MAGI2: variants seen among roughly 807,000 people sequenced by gnomAD.
MAGI2 encodes membrane-associated guanylate kinase, WW and PDZ domain-containing protein 2.
MAGI2 carries 35 observed loss-of-function variants against 133.3 expected under a neutral mutation model. That is an observed-to-expected ratio of 0.26 (90% confidence interval 0.20 to 0.35). The LOEUF is 0.35. Among genes scored for constraint, MAGI2 ranks in the 10% least tolerant of loss-of-function variants. The pLI is 1.00. For synonymous variants in MAGI2, 729 were observed against 710.6 expected (o/e 1.03, Z -0.41); for missense variants, 1,636 against 1,863.4 (o/e 0.88, Z 2.25).
chr7:78,746,068 C>T (rs908564351), intron 2 of MAGI2, among the ~76,000 whole-genome samples: 2 of 152,184 alleles, frequency 1.3e-5, no homozygotes, highest in Non-Finnish European at 2.9e-5. Context: ...AAACTTGTCA[C>T]ATAACAATCA....
chr7:78,368,383 G>C (rs1162474295), intron 7 of MAGI2, among the ~76,000 whole-genome samples: 1 of 152,112 alleles, frequency 6.6e-6, no homozygotes, highest in East Asian at 1.9e-4. Flanking sequence ...TCAACCTCTG[G>C]ATTTCTTGGG....
chr7:78,292,936 A>C (rs1159590433), intron 9 of MAGI2, among the ~76,000 whole-genome samples: 1 of 152,246 alleles, frequency 6.6e-6, no homozygotes, highest in African/African-American at 2.4e-5. Flanking sequence ...AATTAATTCA[A>C]GATGGATTGA....
chr7:79,203,324 CA>C (rs1828770809), intron 1 of MAGI2, among the ~76,000 whole-genome samples: 1 of 151,946 alleles, frequency 6.6e-6, no homozygotes, highest in Non-Finnish European at 1.5e-5. Flanking sequence ...CTCTTTAACT[CA>C]AAGTCACCAA....
intron 1 of MAGI2, among the ~76,000 whole-genome samples, chr7:79,256,541 G>T (rs965436085): frequency 7.5e-6 from 1 of 133,808 alleles, no homozygotes; most frequent in African/African-American, 2.8e-5. Context: ...CCAGGCTGGA[G>T]TGCAGTGGCA....
rs749213872 is a variant in MAGI2, at chr7:79,450,631, AC to A, written c.301+2388del. Among the ~76,000 whole-genome samples the A allele has an allele frequency of 1.7e-4, 26 of 152,254 alleles. No individual in the cohort carries two copies. The East Asian group carries it at 4.4e-3, about 26-fold the overall frequency. On this transcript the variant is annotated intron_variant, in intron 1 of 21. Transcript: ENST00000354212. ...AAAGAGACTTTCCCCTCAATATATC[AC>A]TTTAGAAGCATATATTCTGAGTTCT...
intron 20 of MAGI2, among the ~76,000 whole-genome samples, chr7:78,102,401 T>C (rs1370707196): frequency 6.6e-6 from 1 of 152,216 alleles, no homozygotes; most frequent in Non-Finnish European, 1.5e-5. Flanking sequence ...GGTATGTGAA[T>C]TAGTTTGATT....
At chr7:78,217,467 C>G (rs1332038539) in intron 10 of MAGI2, among the ~76,000 whole-genome samples, 1 of 152,130 alleles carries the variant, frequency 6.6e-6, no homozygotes, top group Non-Finnish European at 1.5e-5. Context: ...ATTTTTATTT[C>G]TCTGTGGTGT....
intron 1 of MAGI2, among the ~76,000 whole-genome samples, chr7:79,323,219 G>A (rs369755723): frequency 6.6e-6 from 1 of 152,224 alleles, no homozygotes; most frequent in African/African-American, 2.4e-5. Flanking sequence ...GAGGGCACAA[G>A]TATGAAGAAC....
At chr7:79,257,455 G>T (rs2129556145) in intron 1 of MAGI2, among the ~76,000 whole-genome samples, 1 of 152,284 alleles carries the variant, frequency 6.6e-6, no homozygotes, top group South Asian at 2.1e-4. Context: ...TAGAGAAAAT[G>T]TAAAAAGCAT....
chr7:79,421,351 C>T (rs1025585688), intron 1 of MAGI2, among the ~76,000 whole-genome samples: 1 of 151,890 alleles, frequency 6.6e-6, no homozygotes, highest in Non-Finnish European at 1.5e-5. Flanking sequence ...ATTAATATTA[C>T]TCACATTTTA....
At position 78,627,213 on chromosome 7, in the gene MAGI2, C is replaced by G; in HGVS notation, c.445G>C (p.Glu149Gln). ...AAAATATAATCCACTCCAGGGACCT[C>G]ACCCTCCTTATGTGGCCTTGTGGTG... ...PCTTRPHKEGEVPGVDYIFIT... is the reference protein window; with the variant it reads ...PCTTRPHKEGQVPGVDYIFIT... The change falls in exon 3 of 22, where the codon GAG becomes CAG. Residue 149 changes from glutamate to glutamine, a missense_variant. Glu to Gln is a conservative substitution (Grantham distance 29). Coordinates refer to ENST00000354212, the MANE Select transcript of MAGI2 (RefSeq NM_012301.4). The G allele has an allele frequency of 6.3e-7, 1 of 1,581,878 alleles. No homozygotes were observed. Among genetic ancestry groups the G allele is most frequent in the Non-Finnish European group, 8.6e-7 (1 of 1,164,162 alleles).
chr7:78,108,709 A>T (rs1217738720), intron 20 of MAGI2, among the ~76,000 whole-genome samples: 1 of 114,934 alleles, frequency 8.7e-6, no homozygotes, highest in Non-Finnish European at 2.1e-5. Context: ...CACATATGTG[A>T]GTGTATATAT....
At chr7:78,991,882 A>G (rs949311543) in intron 2 of MAGI2, among the ~76,000 whole-genome samples, 3 of 152,084 alleles carry the variant, frequency 2.0e-5, no homozygotes, top group Non-Finnish European at 2.9e-5. Flanking sequence ...GGAACCCAAG[A>G]AAACCTTTGA....
At chr7:78,810,676 A>G (rs1315159487) in intron 2 of MAGI2, among the ~76,000 whole-genome samples, 2 of 152,122 alleles carry the variant, frequency 1.3e-5, no homozygotes, top group African/African-American at 4.8e-5. Context: ...TTATGCCTCT[A>G]GATAATGACA....
At chr7:79,323,595 G>A (rs1042144943) in intron 1 of MAGI2, among the ~76,000 whole-genome samples, 2 of 152,134 alleles carry the variant, frequency 1.3e-5, no homozygotes, top group African/African-American at 4.8e-5. Context: ...TGAGCCGCAT[G>A]GCAGAAATTA....
chr7:78,524,242 CCCCTGCTA>C (rs1462706141), intron 3 of MAGI2, among the ~76,000 whole-genome samples: 1 of 152,168 alleles, frequency 6.6e-6, no homozygotes, highest in Non-Finnish European at 1.5e-5. Context: ...CCTCTCCCTG[CCCCTGCTA>C]CCCCGCCCCG....
chr7:79,382,525 T>C (rs1843864315), intron 1 of MAGI2, among the ~76,000 whole-genome samples: 1 of 151,512 alleles, frequency 6.6e-6, no homozygotes, highest in Non-Finnish European at 1.5e-5. Flanking sequence ...TCTAATCTGT[T>C]ACCCACTGGG....
At chr7:78,686,088 G>T (rs1563352321) in intron 2 of MAGI2, among the ~76,000 whole-genome samples, 2 of 149,384 alleles carry the variant, frequency 1.3e-5, no homozygotes, top group Admixed American at 6.7e-5. Flanking sequence ...TTCATTCTGA[G>T]AAGGTCATTA....
chr7:78,664,007 G>C (rs321992), intron 2 of MAGI2, among the ~76,000 whole-genome samples: 1 of 152,088 alleles, frequency 6.6e-6, no homozygotes. Context: ...GGTGCTATCA[G>C]GGATGAGCAG....
Sources: gnomAD v4.1 joint callset for allele counts (sites outside exome capture counted in the v4.1 genomes callset) on GRCh38, gnomAD v4.1.1 for gene constraint, MANE v1.5 for transcripts, NCBI Gene and HGNC (gene_info 2026-07-23, HGNC 2026-07-21) for gene names.